ANO3: variants seen among roughly 807,000 people sequenced by gnomAD.
The protein encoded by ANO3 is anoctamin 3.
ANO3 carries 99 observed loss-of-function variants against 144.8 expected under a neutral mutation model. The observed-to-expected ratio is 0.68, with a 90% CI of 0.58 to 0.81. The LOEUF (loss-of-function observed/expected upper bound fraction) is 0.81. ANO3 is among the 30% of genes least tolerant of loss of function. The pLI, the probability that ANO3 is intolerant of heterozygous loss-of-function variation, is 0.00. For missense variants in ANO3, 905 were observed against 1,202.2 expected (o/e 0.75, Z 3.66); for synonymous variants, 414 against 392.6 (o/e 1.05, Z -0.64).
chr11:26,487,114 T>C (rs1328219542), intron 4 of ANO3, among the ~76,000 whole-genome samples: 1 of 152,206 alleles, frequency 6.6e-6, no homozygotes, highest in Non-Finnish European at 1.5e-5. Flanking sequence ...TGATATGGTT[T>C]GGCTGTGTCC....
At chr11:26,259,140 C>A (rs911258135) in intron 1 of ANO3, among the ~76,000 whole-genome samples, 1 of 152,136 alleles carries the variant, frequency 6.6e-6, no homozygotes, top group African/African-American at 2.4e-5. Flanking sequence ...AAAATCTGTG[C>A]AAAATCCAGG....
chr11:26,568,480 T>G (rs960834009), intron 14 of ANO3, among the ~76,000 whole-genome samples: 43 of 152,062 alleles, frequency 2.8e-4, no homozygotes, highest in African/African-American at 1.0e-3. Flanking sequence ...TAGTTTTTTT[T>G]TTTAATACAG....
chr11:26,359,545 T>C lies in ANO3; in HGVS notation c.46+27224T>C, dbSNP rs1855869000. Among the ~76,000 whole-genome samples, 3 of 151,914 alleles carry C rather than the reference T, an allele frequency of 2.0e-5. 1 individual carries two copies. The South Asian group carries it at 6.3e-4, about 32-fold the overall frequency. ...AACTTAAGGGGACCTTGCAGATCTC[T>C]AGAGTTCTCCCTCTATGCAGCTGTC... is the stretch of plus-strand genomic sequence containing the variant. On this transcript the variant is annotated intron_variant, in intron 1 of 26. Transcript: ENST00000256737.
At chr11:26,628,598 A>G (rs1852669404) in intron 18 of ANO3, among the ~76,000 whole-genome samples, 1 of 152,222 alleles carries the variant, frequency 6.6e-6, no homozygotes, top group African/African-American at 2.4e-5. Flanking sequence ...TCTTCCTGGC[A>G]GCGTAGAACC....
intron 6 of ANO3, among the ~76,000 whole-genome samples, chr11:26,522,052 C>T (rs1273279333): frequency 4.6e-5 from 7 of 151,856 alleles, no homozygotes; most frequent in East Asian, 1.9e-4. Context: ...GGGGTAGTGG[C>T]GGGCGCCTGT....
In ANO3 at chr11:26,559,752, T is replaced by C; in HGVS notation, c.1420T>C (p.Phe474Leu). ...TYLFDNGGTV[F>L]FAIFMAIWAT... Reference sequence around the variant, plus strand: ...TTTGTTCGATAATGGAGGGACAGTCTTCTTTGCTATTTTTATGGCAATATG... The same window carrying C: ...TTTGTTCGATAATGGAGGGACAGTCCTCTTTGCTATTTTTATGGCAATATG... The change falls in exon 14 of 27, where the codon TTC (phenylalanine) becomes CTC (leucine). Residue 474 changes from phenylalanine to leucine, a missense_variant. Around this residue, in one of 4 missense-constraint regions of ANO3, gnomAD observed 597 missense variants for 865.1 expected, o/e 0.69. Coordinates refer to ENST00000256737, the MANE Select transcript of ANO3 (RefSeq NM_031418.4). 1 of 1,612,338 alleles carries C rather than the reference T, an allele frequency of 6.2e-7. No individual in the cohort carries two copies. Among genetic ancestry groups the C allele is most frequent in the Non-Finnish European group, 8.5e-7 (1 of 1,178,800 alleles).
chr11:26,442,130 T>C lies in ANO3; in HGVS notation c.241+18T>C, dbSNP rs370178843. 95 of 1,601,230 alleles carry C rather than the reference T, an allele frequency of 5.9e-5. No individual in the cohort carries two copies. The highest frequency in any genetic ancestry group is 7.9e-5 in the Non-Finnish European group (93 of 1,175,966). ...AGAGCAAGGTGAGCAGCAATTCCTATTTTCTTGTTCAATTTATAAAAACTA... is the reference window on the plus strand; with the variant it reads ...AGAGCAAGGTGAGCAGCAATTCCTACTTTCTTGTTCAATTTATAAAAACTA... On this transcript the variant is annotated intron_variant, in intron 2 of 26. Transcript: ENST00000256737.
At chr11:26,306,912 A>ATAT (rs1854397471), upstream of ANO3, among the ~76,000 whole-genome samples, 1 of 152,086 alleles carries the variant, frequency 6.6e-6, no homozygotes, top group Admixed American at 6.6e-5. Context: ...TGTTACCCAT[A>ATAT]TATTCTATTT....
rs1854319823 is a variant in ANO3 at position 26,304,464 on chromosome 11, T to A, written c.155-5181T>A. Among the ~76,000 whole-genome samples the A allele has an allele frequency of 2.0e-5, 3 of 152,104 alleles. 1 individual carries two copies. The highest frequency in any genetic ancestry group is 2.0e-4 in the Admixed American group (3 of 15,256). On this transcript the variant is annotated intron_variant, in intron 1 of 27. Transcript: ENST00000672621. ...ACACTTATTTAACTTTTTTTAAAAA[T>A]TACCTCCCAAAGACACTGTACACAG...
chr11:26,332,305 C>G lies in ANO3; in HGVS notation c.30C>G (p.Ser10=). 2 of 1,614,026 alleles carry G rather than the reference C, an allele frequency of 1.2e-6. No homozygotes were observed. Among genetic ancestry groups the G allele is most frequent in the Non-Finnish European group, 1.7e-6 (2 of 1,179,996 alleles). The part of the protein sequence containing the change: MVHHSGSIQ[S]FKQQKGMNIS... ...TCCACCATTCAGGCTCCATTCAGTC[C>G]TTTAAACAGCAAAAAGGTCAGTTGG... is the stretch of plus-strand genomic sequence containing the variant. Residue 10 remains serine, a synonymous_variant, in exon 1 of 27, where the codon TCC becomes TCG. Coordinates refer to ENST00000256737, the MANE Select transcript of ANO3 (RefSeq NM_031418.4).
intron 1 of ANO3, among the ~76,000 whole-genome samples, chr11:26,334,513 G>A (rs866530648): frequency 3.3e-5 from 5 of 152,200 alleles, no homozygotes; most frequent in Admixed American, 1.3e-4. Context: ...GTGGAACTCT[G>A]TACTCCTAGG....
At chr11:26,358,706 C>G (rs944462559) in intron 1 of ANO3, among the ~76,000 whole-genome samples, 7 of 152,034 alleles carry the variant, frequency 4.6e-5, no homozygotes, top group Admixed American at 6.6e-5. Context: ...TATCCCCCTT[C>G]CCTTTTGTGG....
At chr11:26,289,665 G>A (rs12146659) in intron 1 of ANO3, among the ~76,000 whole-genome samples, 3 of 69,772 alleles carry the variant, frequency 4.3e-5, no homozygotes, top group African/African-American at 1.1e-4. Context: ...CTATATGTGT[G>A]TATATGTACA....
chr11:26,421,337 A>G (rs779736065), intron 1 of ANO3, among the ~76,000 whole-genome samples: 10 of 152,202 alleles, frequency 6.6e-5, no homozygotes, highest in Middle Eastern at 3.4e-3. Context: ...ACAAATTAGA[A>G]AATTCTGTGT....
rs985002137 is a variant in ANO3 at position 26,660,557 on chromosome 11, T to C, written c.*113T>C. ...CATACTTGGCAAACCACATGTATAA[T>C]ATGCTACTTGGAAATGTATCACAGC... On this transcript the variant is annotated 3_prime_UTR_variant, in exon 27 of 27. Transcript: ENST00000256737. 4 of 896,742 alleles carry C rather than the reference T, an allele frequency of 4.5e-6. No homozygotes were observed. The highest frequency in any genetic ancestry group is 2.2e-4 in the Middle Eastern group (1 of 4,490). The allele number at this position is 896,742 out of a possible 1,614,324, so 55.5% of individuals were successfully genotyped here.
At chr11:26,339,760 T>C (rs1475450855) in intron 1 of ANO3, among the ~76,000 whole-genome samples, 1 of 152,238 alleles carries the variant, frequency 6.6e-6, no homozygotes. Flanking sequence ...CTCCTGACTC[T>C]GCAGTTCATC....
At chr11:26,356,363 A>G (rs992362594) in intron 1 of ANO3, among the ~76,000 whole-genome samples, 6 of 152,166 alleles carry the variant, frequency 3.9e-5, no homozygotes, top group Non-Finnish European at 8.8e-5. Context: ...GCTCATCCCT[A>G]AAAGTTTCTT....
At chr11:26,258,246 T>C (rs1378480273) in intron 1 of ANO3, among the ~76,000 whole-genome samples, 2 of 152,190 alleles carry the variant, frequency 1.3e-5, no homozygotes. Context: ...CTCTTTTATA[T>C]GGATCTGGAC....
At chr11:26,290,177 G>A (rs1564951038) in intron 1 of ANO3, among the ~76,000 whole-genome samples, 1 of 152,130 alleles carries the variant, frequency 6.6e-6, no homozygotes, top group Non-Finnish European at 1.5e-5. Context: ...ATTTCTTCTA[G>A]ATTTTCTAGT....
Sources: allele counts gnomAD v4.1 joint callset (sites outside exome capture counted in the v4.1 genomes callset), GRCh38; gene constraint gnomAD v4.1.1; regional missense constraint gnomAD v4.1.1; transcripts MANE v1.5; gene names NCBI Gene and HGNC (gene_info 2026-07-23, HGNC 2026-07-21).